CTNNA3: variants seen among roughly 807,000 people sequenced by gnomAD.
The protein encoded by CTNNA3 is catenin alpha-3.
CTNNA3 carries 76 observed loss-of-function variants against 95.7 expected under a neutral mutation model. The ratio of observed to expected loss-of-function variants is 0.79; its 90% CI spans 0.66 to 0.96. The LOEUF (loss-of-function observed/expected upper bound fraction) is 0.96, where lower values mean the gene tolerates loss of function less well. CTNNA3 is among the 40% of genes least tolerant of loss of function. The pLI is 0.00. For missense variants in CTNNA3, 1,191 were observed against 1,089.8 expected, an observed-to-expected ratio of 1.09 and a Z score of -1.31; for synonymous variants, 431 against 374.4, an observed-to-expected ratio of 1.15 and a Z score of -1.74.
At chr10:66,893,172 TTC>T (rs1845339640) in intron 7 of CTNNA3, among the ~76,000 whole-genome samples, 1 of 152,066 alleles carries the variant, frequency 6.6e-6, no homozygotes. Context: ...GTGCATGCAG[TTC>T]TCTGTTGCAG....
rs1161344953 is a variant in CTNNA3, at chr10:67,625,144, C to G, written c.100-18095G>C. ...GGTACCTAAGATATTAAGCAGCACA[C>G]TCTGTTCCAAATGTGCCAAGCTCTC... On this transcript the variant is annotated intron_variant, in intron 2 of 17. Transcript: ENST00000433211. Among the ~76,000 whole-genome samples the G allele has an allele frequency of 2.0e-5, 3 of 152,294 alleles. No homozygotes were observed. In the East Asian group the frequency reaches 5.8e-4, roughly 29 times the overall value.
chr10:67,263,936 TAA>T (rs758145988), intron 5 of CTNNA3, among the ~76,000 whole-genome samples: 1 of 151,246 alleles, frequency 6.6e-6, no homozygotes, highest in African/African-American at 2.4e-5. Flanking sequence ...TGAATTGTAA[TAA>T]AAAAAAGTGT....
intron 5 of CTNNA3, among the ~76,000 whole-genome samples, chr10:67,390,251 C>G (rs1033600121): frequency 6.6e-6 from 1 of 152,132 alleles, no homozygotes; most frequent in African/African-American, 2.4e-5. Context: ...GAAATACAAA[C>G]TACCATCAGA....
intron 1 of CTNNA3, among the ~76,000 whole-genome samples, chr10:67,690,940 G>A (rs1047893691): frequency 1.3e-5 from 2 of 152,216 alleles, no homozygotes; most frequent in East Asian, 1.9e-4. Flanking sequence ...CTCTGATGCC[G>A]AGCCGAAGCT....
At chr10:66,874,591 CACATGCAGTATG>C (rs1351788641) in intron 7 of CTNNA3, among the ~76,000 whole-genome samples, 4 of 152,096 alleles carry the variant, frequency 2.6e-5, no homozygotes, top group Non-Finnish European at 5.9e-5. Flanking sequence ...AAACTATACC[CACATGCAGTATG>C]AATATAACTT....
chr10:66,195,204 T>A (rs1047386699), intron 13 of CTNNA3, among the ~76,000 whole-genome samples: 3 of 152,052 alleles, frequency 2.0e-5, no homozygotes, highest in Admixed American at 2.0e-4. Context: ...CTTCCCTGTA[T>A]CTTTTTTGTT....
In CTNNA3 at chr10:67,387,369, A is replaced by G. The variant is rs1225812165; in HGVS notation, c.579+134473T>C. Reference sequence around the variant, plus strand: ...TTCCTAGGGGCTTAAAAAACGGCGCACCACGAGAGTATATCCCGCACCTGG... The same window carrying G: ...TTCCTAGGGGCTTAAAAAACGGCGCGCCACGAGAGTATATCCCGCACCTGG... On this transcript the variant is annotated intron_variant, in intron 5 of 17. Coordinates refer to ENST00000433211, the MANE Select transcript of CTNNA3 (RefSeq NM_013266.4). Among the ~76,000 whole-genome samples, 15 of 152,088 alleles carry G rather than the reference A, an allele frequency of 9.9e-5. No homozygotes were observed. The South Asian group carries it at 2.9e-3, about 29-fold the overall frequency.
At chr10:66,723,046 A>G (rs1334154327) in intron 9 of CTNNA3, among the ~76,000 whole-genome samples, 2 of 151,936 alleles carry the variant, frequency 1.3e-5, no homozygotes, top group African/African-American at 4.8e-5. Flanking sequence ...CTATCATTCT[A>G]GCTTCTTAGC....
chr10:66,186,438 T>C (rs188433579), intron 13 of CTNNA3, among the ~76,000 whole-genome samples: 19 of 152,228 alleles, frequency 1.2e-4, no homozygotes, highest in African/African-American at 4.3e-4. Context: ...AAGATAAGTA[T>C]GCTTAAAATG....
intron 3 of CTNNA3, among the ~76,000 whole-genome samples, chr10:67,582,955 C>T (rs1842463456): frequency 1.3e-5 from 2 of 151,974 alleles, no homozygotes; most frequent in African/African-American, 4.8e-5. Context: ...ATGTGTGTCT[C>T]TGCACAAGAG....
At chr10:67,657,847 CAAAAA>C (rs200763142) in intron 1 of CTNNA3, among the ~76,000 whole-genome samples, 2 of 40,388 alleles carry the variant, frequency 5.0e-5, no homozygotes, top group African/African-American at 9.2e-5. Context: ...AATTCCATCT[CAAAAA>C]AAAAAAAAAA....
intron 3 of CTNNA3, among the ~76,000 whole-genome samples, chr10:67,553,130 G>A (rs1204688410): frequency 6.6e-6 from 1 of 152,088 alleles, no homozygotes; most frequent in African/African-American, 2.4e-5. Context: ...AGTATGGAAT[G>A]TGTGTGTGAT....
chr10:66,428,059 T>C (rs888515436), intron 11 of CTNNA3, among the ~76,000 whole-genome samples: 13 of 152,056 alleles, frequency 8.5e-5, no homozygotes, highest in African/African-American at 3.1e-4. Context: ...TGGAGGAAGA[T>C]CTATCAAGCA....
chr10:66,489,582 G>A (rs1413994149), intron 11 of CTNNA3, among the ~76,000 whole-genome samples: 3 of 151,844 alleles, frequency 2.0e-5, no homozygotes, highest in Admixed American at 6.6e-5. Flanking sequence ...ACACACACTT[G>A]TGCATGCACA....
intron 10 of CTNNA3, among the ~76,000 whole-genome samples, chr10:66,540,303 C>T (rs544027208): frequency 7.9e-5 from 12 of 152,198 alleles, no homozygotes; most frequent in Non-Finnish European, 1.5e-4. Flanking sequence ...GAAATACAGG[C>T]AATTTGTTGT....
At chr10:66,413,688 A>G (rs2093125093) in intron 11 of CTNNA3, among the ~76,000 whole-genome samples, 1 of 152,200 alleles carries the variant, frequency 6.6e-6, no homozygotes, top group Non-Finnish European at 1.5e-5. Flanking sequence ...AGGAGTCTTA[A>G]TATTTCCTTA....
intron 3 of CTNNA3, among the ~76,000 whole-genome samples, chr10:67,581,900 A>G (rs1372779180): frequency 9.9e-5 from 15 of 151,888 alleles, no homozygotes; most frequent in African/African-American, 1.4e-4. Context: ...GGTATCAATG[A>G]TGATATCCCC....
chr10:67,275,457 G>C (rs967815443), intron 5 of CTNNA3, among the ~76,000 whole-genome samples: 1 of 152,070 alleles, frequency 6.6e-6, no homozygotes, highest in African/African-American at 2.4e-5. Flanking sequence ...GGAAAATAAA[G>C]AGCCTTAAAT....
intron 9 of CTNNA3, among the ~76,000 whole-genome samples, chr10:66,753,692 C>T (rs897383580): frequency 9.3e-5 from 14 of 149,760 alleles, no homozygotes; most frequent in African/African-American, 1.2e-4. Context: ...TATATATATA[C>T]ACACACACAC....
Sources: gnomAD v4.1 joint callset for allele counts (sites outside exome capture counted in the v4.1 genomes callset) on GRCh38, gnomAD v4.1.1 for gene constraint, MANE v1.5 for transcripts, NCBI Gene and HGNC (gene_info 2026-07-23, HGNC 2026-07-21) for gene names.